Variants in TMEM165 observed in about 807,000 individuals in gnomAD.
TMEM165 encodes the protein transmembrane protein 165, also known as putative divalent cation/proton antiporter TMEM165.
In TMEM165, 19 loss-of-function variants were observed where a neutral mutation model predicts 30.0. That is an observed-to-expected ratio of 0.63 (90% CI 0.44 to 0.93). The LOEUF (loss-of-function observed/expected upper bound fraction) is 0.93. Among genes scored for constraint, TMEM165 ranks in the 40% least tolerant of loss-of-function variants. The pLI, the probability that TMEM165 is intolerant of heterozygous loss-of-function variation, is 0.00. For missense variants in TMEM165, 340 were observed against 417.0 expected, an observed-to-expected ratio of 0.82 and a Z score of 1.61; for synonymous variants, 168 against 162.9, an observed-to-expected ratio of 1.03 and a Z score of -0.24.
intron 1 of TMEM165, among the ~76,000 whole-genome samples, chr4:55,409,138 T>C (rs1349507541): frequency 6.6e-6 from 1 of 152,120 alleles, no homozygotes; most frequent in Admixed American, 6.6e-5. Flanking sequence ...CTTAATTAAT[T>C]AAACTCAATT....
At chr4:55,420,207 C>A (rs929791635) in intron 4 of TMEM165, among the ~76,000 whole-genome samples, 2 of 146,170 alleles carry the variant, frequency 1.4e-5, no homozygotes, top group Non-Finnish European at 1.5e-5. Flanking sequence ...CTTTTATTGG[C>A]TCTCAGATTG....
rs972891538 is a variant in TMEM165, at chr4:55,443,977, C to T, written c.409-8262C>T. On this transcript the variant is annotated intron_variant, in intron 3 of 3. Coordinates refer to the TMEM165 transcript ENST00000608091. ...GCATTAAAAAGAAGGCAAAATCAAG[C>T]TACAAAGTATGTTTAAAAAGCAAGT... The T allele has an allele frequency of 8.6e-6, 11 of 1,280,004 alleles. 1 individual carries two copies. The Admixed American group carries it at 2.2e-4, about 26-fold the overall frequency. 79.3% of individuals were successfully genotyped at this position (1,280,004 alleles called of 1,614,324 possible).
At chr4:55,439,164 A>G (rs149602385) in intron 3 of TMEM165, among the ~76,000 whole-genome samples, 84 of 152,342 alleles carry the variant, frequency 5.5e-4, no homozygotes, top group African/African-American at 1.9e-3. Context: ...CTTCAACTCA[A>G]CAACAATCAA....
At position 55,402,794 on chromosome 4, in the gene TMEM165, G is replaced by GTTTTTTTTTTTTTTT. The variant is rs1491276185; in HGVS notation, c.207+6398_207+6399insTTTTTTTTTTTTTTT. 1.5e-3 allele frequency among the ~76,000 whole-genome samples: 81 copies of GTTTTTTTTTTTTTTT among 52,502 alleles called. 2 individuals are homozygous for GTTTTTTTTTTTTTTT. The highest frequency in any genetic ancestry group is 4.4e-3 in the South Asian group (4 of 908). The allele number at this position is 52,502 out of a possible 152,430, so 34.4% of individuals were successfully genotyped here. On this transcript the variant is annotated intron_variant, in intron 1 of 5. Transcript: ENST00000381334. ...CACATTTTTACAACTTTTAAAAAAA[G>GTTTTTTTTTTTTTTT]CTTTTTTTTTTTTTTGAGACGGAGT... is the stretch of plus-strand genomic sequence containing the variant.
chr4:55,426,997 T>C (rs1722232471), downstream of TMEM165, among the ~76,000 whole-genome samples: 1 of 151,480 alleles, frequency 6.6e-6, no homozygotes. Flanking sequence ...CTTAGATTGT[T>C]TGTTTGTTAT....
At chr4:55,396,483 G>T (rs1177285061) in intron 1 of TMEM165, 87 bp downstream of exon 1, 2 of 1,167,960 alleles carry the variant, frequency 1.7e-6, no homozygotes, top group Non-Finnish European at 1.1e-6. Flanking sequence ...GCCGCACTCC[G>T]CCGGCCTCGG....
intron 3 of TMEM165, among the ~76,000 whole-genome samples, chr4:55,447,118 G>A (rs28409498): frequency 0.034 from 5,113 of 151,740 alleles, 100 homozygotes; most frequent in Non-Finnish European, 0.054. Context: ...TGTAATCCCA[G>A]GACTTTGGGA....
At chr4:55,421,997 A>T (rs1432729320) in intron 4 of TMEM165, among the ~76,000 whole-genome samples, 1 of 151,976 alleles carries the variant, frequency 6.6e-6, no homozygotes, top group Non-Finnish European at 1.5e-5. Flanking sequence ...CTTGGCTGTG[A>T]TGGGAATAAG....
At chr4:55,421,925 A>C (rs1721991117) in intron 4 of TMEM165, among the ~76,000 whole-genome samples, 3 of 152,106 alleles carry the variant, frequency 2.0e-5, no homozygotes, top group Admixed American at 2.0e-4. Context: ...GAAAAAAAAA[A>C]AGCCCCTTTT....
downstream of TMEM165, among the ~76,000 whole-genome samples, chr4:55,426,897 T>C (rs1413820875): frequency 2.0e-5 from 3 of 152,186 alleles, no homozygotes; most frequent in Non-Finnish European, 1.5e-5. Flanking sequence ...AAAGGTCATA[T>C]TTGTAGTTTT....
Position 55,425,434 on chromosome 4 carries a change from C to A in TMEM165, c.957C>A (p.Ser319Arg), listed in dbSNP as rs769373461. 5.6e-6 allele frequency: 9 copies of A among 1,606,398 alleles called. No homozygotes were observed. Among genetic ancestry groups the A allele is most frequent in the African/African-American group, 1.4e-5 (1 of 74,036 alleles). Reference sequence around the variant, plus strand: ...TTGCATTTTCTGCACTATTTATAAGCCCTGATTCTGGTTTTTAACAAGCTG... The same window carrying A: ...TTGCATTTTCTGCACTATTTATAAGACCTGATTCTGGTTTTTAACAAGCTG... ...LAFAFSALFISPDSGF is the reference protein window; with the variant it reads ...LAFAFSALFIRPDSGF The change falls in exon 6 of 6, where the codon AGC (serine) becomes AGA (arginine). Residue 319 changes from serine to arginine, a missense_variant. This residue lies in a region of TMEM165 where 220 missense variants were observed against 307.6 expected (regional missense o/e 0.72). Coordinates refer to ENST00000381334, the MANE Select transcript of TMEM165 (RefSeq NM_018475.5).
intron 1 of TMEM165, among the ~76,000 whole-genome samples, chr4:55,410,156 T>A (rs1721430152): frequency 6.6e-6 from 1 of 152,168 alleles, no homozygotes; most frequent in African/African-American, 2.4e-5. Flanking sequence ...AAAAACCTTT[T>A]TTTGCTCTTA....
intron 5 of TMEM165, 192 bp downstream of exon 5, chr4:55,424,835 A>AT: frequency 1.9e-6 from 1 of 530,338 alleles, no homozygotes; most frequent in Non-Finnish European, 3.3e-6. Flanking sequence ...AGTTAGCAAA[A>AT]TACAAAGTCA....
At chr4:55,424,388 CCT>C in intron 4 of TMEM165, 148 bp from the exon 5 acceptor site, 1 of 590,824 alleles carries the variant, frequency 1.7e-6, no homozygotes, top group Admixed American at 3.2e-5. Flanking sequence ...AGCCATTACA[CCT>C]CTCATAAATT....
At chr4:55,408,670 A>T (rs1721370662) in intron 1 of TMEM165, among the ~76,000 whole-genome samples, 1 of 152,222 alleles carries the variant, frequency 6.6e-6, no homozygotes, top group African/African-American at 2.4e-5. Flanking sequence ...AGAGGAACAG[A>T]GATTAAATAA....
intron 2 of TMEM165, among the ~76,000 whole-genome samples, chr4:55,412,970 T>A (rs1348501672): frequency 6.6e-6 from 1 of 151,832 alleles, no homozygotes; most frequent in East Asian, 1.9e-4. Context: ...GGCTATTTTT[T>A]ATTTATTTAT....
In TMEM165 at chr4:55,411,686, A is replaced by G. The variant is rs371558821; in HGVS notation, c.280A>G (p.Ile94Val). The change falls in exon 2 of 6, where the codon ATC (isoleucine) becomes GTC (valine). Residue 94 changes from isoleucine (I) to valine (V), a missense_variant. Ile to Val is a conservative substitution (Grantham distance 29, BLOSUM62 3). This residue lies in a region of TMEM165 where 220 missense variants were observed against 307.6 expected (regional missense o/e 0.72). Coordinates refer to ENST00000381334, the MANE Select transcript of TMEM165 (RefSeq NM_018475.5). The part of the protein sequence containing the change: ...DPATQTNLGF[I>V]HAFVAAISVI... ...TGCTACCCAAACTAATTTGGGATTT[A>G]TCCATGCATTTGTCGCTGCCATATC... 3.2e-5 allele frequency: 51 copies of G among 1,614,102 alleles called. No homozygotes were observed. The highest frequency in any genetic ancestry group is 4.0e-5 in the Non-Finnish European group (47 of 1,180,054).
chr4:55,430,347 A>G (rs753758944), downstream of TMEM165: 7 of 152,226 alleles, frequency 4.6e-5, no homozygotes, highest in African/African-American at 1.7e-4. Flanking sequence ...AAACCTGCAG[A>G]GTATTTTATT....
intron 1 of TMEM165, among the ~76,000 whole-genome samples, chr4:55,402,441 T>A (rs1265169766): frequency 1.0e-3 from 32 of 32,084 alleles, no homozygotes; most frequent in East Asian, 6.8e-3. Context: ...ATATTTTTTT[T>A]TTTTTTTTTT....
Sources: gnomAD v4.1 joint callset for allele counts (sites outside exome capture counted in the v4.1 genomes callset) on GRCh38, gnomAD v4.1.1 for gene constraint, gnomAD v4.1.1 regional missense constraint, MANE v1.5 for transcripts, NCBI Gene and HGNC (gene_info 2026-07-23, HGNC 2026-07-21) for gene names.